MYO1E: variants seen among roughly 807,000 people sequenced by gnomAD.
The protein encoded by MYO1E is unconventional myosin-Ie.
Under a neutral mutation model 151.1 loss-of-function variants are expected in MYO1E, and 68 were observed. That is an observed-to-expected ratio of 0.45 (90% CI 0.37 to 0.55). MYO1E has a LOEUF of 0.55. Among genes scored for constraint, MYO1E ranks in the 20% least tolerant of loss-of-function variants. The pLI, the probability that MYO1E is intolerant of heterozygous loss-of-function variation, is 0.00. For missense variants in MYO1E, 1,363 were observed against 1,389.3 expected (o/e 0.98, Z 0.30); for synonymous variants, 601 against 501.7 (o/e 1.20, Z -2.64).
chr15:59,250,357 G>A (rs2140366808), intron 4 of MYO1E, among the ~76,000 whole-genome samples: 1 of 152,286 alleles, frequency 6.6e-6, no homozygotes, highest in South Asian at 2.1e-4. Context: ...GCGTGATCGA[G>A]GCCAAACATC....
At position 59,153,650 on chromosome 15, in the gene MYO1E, C is replaced by A. The variant is rs564470291; in HGVS notation, c.3020G>T (p.Arg1007Leu). The change falls in exon 26 of 28, where the codon CGA (arginine) becomes CTA (leucine). Residue 1007 changes from arginine to leucine, a missense_variant. Transcript: ENST00000288235. ...LPRQQSTSSD[R>L]VSQTPESLDF... ...CAGGCTCTCTGGCGTCTGTGACACTCGGTCTGAACTGGTAGACTGCTGCCG... is the reference window on the plus strand; with the variant it reads ...CAGGCTCTCTGGCGTCTGTGACACTAGGTCTGAACTGGTAGACTGCTGCCG... 4 of 1,614,178 alleles carry A rather than the reference C, an allele frequency of 2.5e-6. No homozygotes were observed. Among genetic ancestry groups the A allele is most frequent in the Admixed American group, 1.7e-5 (1 of 60,028 alleles).
chr15:59,264,839 A>G (rs12437559), intron 2 of MYO1E: 27,762 of 152,170 alleles, frequency 0.18, 3,182 homozygotes, highest in East Asian at 0.53. Context: ...TGGGCAATCT[A>G]GTGAGACCTC....
At chr15:59,267,202 T>A (rs569552903) in intron 2 of MYO1E, among the ~76,000 whole-genome samples, 50 of 50,102 alleles carry the variant, frequency 1.0e-3, no homozygotes, top group Non-Finnish European at 1.6e-3. Flanking sequence ...ATTTTTGTAT[T>A]TATAGTAGAG....
rs3751538 is a variant in MYO1E at position 59,137,366 on chromosome 15, G to C, written c.*14C>G. ...TGGAGCTCCTCTGCCCCATGTGTCA[G>C]AGTCACGGGCACCTCAGATCTTGGT... On this transcript the variant is annotated 3_prime_UTR_variant, in exon 28 of 28. Transcript: ENST00000288235. 0.014 allele frequency: 21,862 copies of C among 1,613,270 alleles called. 496 individuals carry two copies. The highest frequency in any genetic ancestry group is 0.086 in the African/African-American group (6,421 of 74,994).
At chr15:59,310,143 T>C (rs893694170) in intron 1 of MYO1E, among the ~76,000 whole-genome samples, 14 of 152,192 alleles carry the variant, frequency 9.2e-5, no homozygotes, top group African/African-American at 3.4e-4. Context: ...CTAGTATTAC[T>C]TACTCTAGGT....
chr15:59,245,174 T>A (rs1245170790), intron 4 of MYO1E, among the ~76,000 whole-genome samples: 2 of 152,082 alleles, frequency 1.3e-5, no homozygotes, highest in Non-Finnish European at 2.9e-5. Flanking sequence ...AGCGTCCCCA[T>A]GCTAATAATA....
At chr15:59,141,256 C>G (rs915288766) in intron 26 of MYO1E, among the ~76,000 whole-genome samples, 1 of 152,128 alleles carries the variant, frequency 6.6e-6, no homozygotes, top group Admixed American at 6.5e-5. Context: ...CACATGTGCA[C>G]GCACACACAC....
At chr15:59,349,826 C>A (rs1294867887) in intron 1 of MYO1E, among the ~76,000 whole-genome samples, 1 of 152,180 alleles carries the variant, frequency 6.6e-6, no homozygotes, top group Non-Finnish European at 1.5e-5. Flanking sequence ...CCTTAACAGG[C>A]AACATGCAAC....
In MYO1E at chr15:59,172,096, C is replaced by T. The variant is rs1356659103; in HGVS notation, c.2335-54G>A. 4 of 1,591,382 alleles carry T rather than the reference C, an allele frequency of 2.5e-6. No homozygotes were observed. The African/African-American group carries it at 4.3e-5, about 17-fold the overall frequency. On this transcript the variant is annotated intron_variant, in intron 21 of 27. Coordinates refer to ENST00000288235, the MANE Select transcript of MYO1E (RefSeq NM_004998.4). Reference sequence around the variant, plus strand: ...GACAGGCCAGGCATGGTGGCTCACACCTGTAATCCCAGTACTTTCGGAGGC... The same window carrying T: ...GACAGGCCAGGCATGGTGGCTCACATCTGTAATCCCAGTACTTTCGGAGGC...
chr15:59,251,564 T>C (rs554714563), intron 4 of MYO1E, among the ~76,000 whole-genome samples: 10 of 152,360 alleles, frequency 6.6e-5, no homozygotes, highest in Admixed American at 2.6e-4. Context: ...TACTGAGTTA[T>C]GATAATGGTC....
intron 4 of MYO1E, among the ~76,000 whole-genome samples, chr15:59,249,751 T>G (rs950900334): frequency 3.3e-5 from 5 of 152,162 alleles, no homozygotes; most frequent in African/African-American, 1.2e-4. Context: ...CAGGCTTCTC[T>G]TCCAGCCTCC....
rs62002720 is a variant in MYO1E, at chr15:59,268,902, G to A, written c.147+3404C>T. ...GAGGAGTGAGGCCGCCTGGAGTTAT[G>A]AAGGACTGACTACGGACATCATTTG... is the stretch of plus-strand genomic sequence containing the variant. On this transcript the variant is annotated intron_variant, in intron 2 of 27. Transcript: ENST00000288235. Among the ~76,000 whole-genome samples, 190 of 151,790 alleles carry A rather than the reference G, an allele frequency of 1.3e-3. 1 individual carries two copies. The highest frequency in any genetic ancestry group is 2.3e-3 in the Non-Finnish European group (153 of 67,928).
At chr15:59,140,626 A>C (rs1035483319) in intron 26 of MYO1E, among the ~76,000 whole-genome samples, 5 of 152,332 alleles carry the variant, frequency 3.3e-5, no homozygotes, top group Non-Finnish European at 7.3e-5. Context: ...TGGAAAGAAC[A>C]ACCACACCCA....
intron 2 of MYO1E, among the ~76,000 whole-genome samples, chr15:59,264,607 C>T (rs1164581141): frequency 1.3e-5 from 2 of 152,318 alleles, no homozygotes; most frequent in Non-Finnish European, 2.9e-5. Context: ...TTTTATCTGG[C>T]AACCCTAAAT....
intron 1 of MYO1E, among the ~76,000 whole-genome samples, chr15:59,284,013 C>A (rs574448600): frequency 1.6e-4 from 24 of 152,326 alleles, no homozygotes; most frequent in African/African-American, 5.8e-4. Context: ...CAAAGCCCTG[C>A]AAGCTAGGAG....
At chr15:59,367,493 G>T (rs1165150420) in intron 1 of MYO1E, among the ~76,000 whole-genome samples, 1 of 152,172 alleles carries the variant, frequency 6.6e-6, no homozygotes, top group Non-Finnish European at 1.5e-5. Flanking sequence ...ACCACTCGTG[G>T]AACCATCCTA....
rs765058026 is a variant in MYO1E, at chr15:59,224,672, C to A, written c.777+17G>T. The A allele has an allele frequency of 2.2e-4, 359 of 1,614,026 alleles. No individual in the cohort carries two copies. Among genetic ancestry groups the A allele is most frequent in the Non-Finnish European group, 2.8e-4 (331 of 1,180,026 alleles). ...GTTGGGAGAGCAGATCCTGCCTGGC[C>A]CTGCGCCAGCACTTACCAGAGTTTC... On this transcript the variant is annotated intron_variant, in intron 8 of 27. Transcript: ENST00000288235.
In MYO1E at chr15:59,233,536, C is replaced by T. The variant is rs547572133; in HGVS notation, c.421-1745G>A. ...AAAATTAGCTGGGCATAGTGGTGCA[C>T]GCCTGTAGTCCCAGCTACTCGGGAG... On this transcript the variant is annotated intron_variant, in intron 5 of 27. Coordinates refer to ENST00000288235, the MANE Select transcript of MYO1E (RefSeq NM_004998.4). Among the ~76,000 whole-genome samples the T allele has an allele frequency of 1.7e-4, 26 of 151,868 alleles. No individual in the cohort carries two copies. The East Asian group carries it at 1.9e-3, about 11-fold the overall frequency.
At position 59,238,258 on chromosome 15, in the gene MYO1E, A is replaced by G. The variant is rs1596379771; in HGVS notation, c.333-1586T>C. Among the ~76,000 whole-genome samples, 3 of 152,230 alleles carry G rather than the reference A, an allele frequency of 2.0e-5. No individual in the cohort carries two copies. In the South Asian group the frequency reaches 6.2e-4, roughly 32 times the overall value. ...TTTACTAGATCCAGGGTCAACACACACACTCTCTCATTGGAATTACACGGT... is the reference window on the plus strand; with the variant it reads ...TTTACTAGATCCAGGGTCAACACACGCACTCTCTCATTGGAATTACACGGT... On this transcript the variant is annotated intron_variant, in intron 4 of 27. Transcript: ENST00000288235.
Sources: gnomAD v4.1 joint callset for allele counts (sites outside exome capture counted in the v4.1 genomes callset) on GRCh38, gnomAD v4.1.1 for gene constraint, MANE v1.5 for transcripts, NCBI Gene and HGNC (gene_info 2026-07-23, HGNC 2026-07-21) for gene names.